The following EDA variants were observed in gnomAD, a reference collection of about 807,000 sequenced individuals.
The protein encoded by EDA is ectodysplasin A.
EDA carries 2 observed loss-of-function variants against 23.6 expected under a neutral mutation model. That is an observed-to-expected ratio of 0.08 (90% CI 0.03 to 0.27). EDA has a LOEUF of 0.27. Ranked by LOEUF, EDA falls within the 10% of genes least tolerant of loss-of-function variation. EDA has a pLI of 1.00. For synonymous variants in EDA, 131 were observed against 132.0 expected, an observed-to-expected ratio of 0.99 and a Z score of 0.05; for missense variants, 229 against 324.2, an observed-to-expected ratio of 0.71 and a Z score of 2.26.
chrX:69,663,098 A>G (rs1933564482), intron 1 of EDA, among the ~76,000 whole-genome samples: 1 of 112,515 alleles, frequency 8.9e-6, no homozygotes, highest in Admixed American at 9.4e-5. Flanking sequence ...GACAGAAAAT[A>G]AAAACCCATT....
intron 1 of EDA, among the ~76,000 whole-genome samples, chrX:69,788,809 G>T (rs2015294854): frequency 8.8e-6 from 1 of 113,345 alleles, no homozygotes; most frequent in Non-Finnish European, 1.9e-5. Flanking sequence ...TTGAGCTGTG[G>T]TGGGCTCCAC....
In EDA at chrX:70,036,439, C is replaced by T. The variant is rs536278098; in HGVS notation, c.*830C>T. The T allele has an allele frequency of 1.8e-5, 2 of 112,783 alleles. No homozygotes were observed. The highest frequency in any genetic ancestry group is 9.3e-5 in the Admixed American group (1 of 10,732). 9.3% of individuals were successfully genotyped at this position (112,783 alleles called of 1,213,427 possible). On this transcript the variant is annotated 3_prime_UTR_variant, in exon 8 of 8. Coordinates refer to ENST00000374552, the MANE Select transcript of EDA (RefSeq NM_001399.5). The stretch of plus-strand genomic sequence containing the variant: ...CCAGCCTGACTAGAACTCCTGTCTT[C>T]TTTCTCCATGGAGCCTACCTCTGTC...
intron 1 of EDA, among the ~76,000 whole-genome samples, chrX:69,881,532 C>T (rs1004962827): frequency 1.3e-4 from 14 of 111,664 alleles, no homozygotes; most frequent in African/African-American, 4.6e-4. Flanking sequence ...AGCCCAGTTG[C>T]CATAGTTGCT....
In EDA at chrX:69,736,774, C is replaced by CTTT. The variant is rs3047817; in HGVS notation, c.396+120083_396+120085dup. Among the ~76,000 whole-genome samples, 385 of 89,380 alleles carry CTTT rather than the reference C, an allele frequency of 4.3e-3. 8 individuals are homozygous for CTTT. Among genetic ancestry groups the CTTT allele is most frequent in the South Asian group, 9.5e-3 (16 of 1,680 alleles). The allele number at this position is 89,380 out of a possible 115,157, so 77.6% of individuals were successfully genotyped here. ...ATAGGTTGTAGTGAGCTTACTCCAACTTTTTTTTTTTTTTTGAGACAGTGT... is the reference window on the plus strand; with the variant it reads ...ATAGGTTGTAGTGAGCTTACTCCAACTTTTTTTTTTTTTTTTTTGAGACAGTGT... On this transcript the variant is annotated intron_variant, in intron 1 of 7. Coordinates refer to ENST00000374552, the MANE Select transcript of EDA (RefSeq NM_001399.5).
At chrX:70,035,296 G>T in intron 7 of EDA, 62 bp from the exon 8 acceptor site, 2 of 1,154,275 alleles carry the variant, frequency 1.7e-6, no homozygotes, top group Non-Finnish European at 2.3e-6. Context: ...TTCACCACAG[G>T]GAGGGCCCCC....
intron 1 of EDA, among the ~76,000 whole-genome samples, chrX:69,863,788 T>C (rs1455318613): frequency 9.3e-6 from 1 of 107,784 alleles, no homozygotes; most frequent in African/African-American, 3.4e-5. Context: ...AGAGAGGGAA[T>C]AGTTGTGTAC....
chrX:70,035,132 T>C (rs1793987126), intron 7 of EDA, among the ~76,000 whole-genome samples: 1 of 111,665 alleles, frequency 9.0e-6, no homozygotes, highest in Admixed American at 9.4e-5. Context: ...TGTGCTGTTG[T>C]AAGAAAAGTT....
chrX:69,888,580 T>C lies in EDA; in HGVS notation c.397-68447T>C, dbSNP rs2017864587. On this transcript the variant is annotated intron_variant, in intron 1 of 7. Coordinates refer to ENST00000374552, the MANE Select transcript of EDA (RefSeq NM_001399.5). ...CTCATTTAAACTTTGAGGAGACATATATTGAAAGTGAATAGATGAAAAAAT... is the reference window on the plus strand; with the variant it reads ...CTCATTTAAACTTTGAGGAGACATACATTGAAAGTGAATAGATGAAAAAAT... 2.8e-5 allele frequency among the ~76,000 whole-genome samples: 3 copies of C among 107,288 alleles called. No homozygotes were observed. In the South Asian group the frequency reaches 1.2e-3, roughly 43 times the overall value. 93.2% of individuals were successfully genotyped at this position (107,288 alleles called of 115,157 possible).
intron 1 of EDA, among the ~76,000 whole-genome samples, chrX:69,627,452 G>A (rs979275897): frequency 1.8e-5 from 2 of 111,260 alleles, no homozygotes; most frequent in Admixed American, 1.9e-4. Context: ...AACCAGGGAT[G>A]CATATTAGTC....
At chrX:69,956,768 G>A (rs1356455950) in intron 1 of EDA, among the ~76,000 whole-genome samples, 1 of 112,035 alleles carries the variant, frequency 8.9e-6, no homozygotes, top group Admixed American at 9.5e-5. Flanking sequence ...TGAAGAAATG[G>A]GACCTGATGG....
At chrX:69,723,863 C>T (rs1378915697) in intron 1 of EDA, among the ~76,000 whole-genome samples, 1 of 111,044 alleles carries the variant, frequency 9.0e-6, no homozygotes, top group Admixed American at 9.6e-5. Flanking sequence ...TTATTTTTAG[C>T]ACTCCACCCC....
At chrX:69,679,818 C>T (rs1319721277) in intron 1 of EDA, among the ~76,000 whole-genome samples, 1 of 109,729 alleles carries the variant, frequency 9.1e-6, no homozygotes, top group Non-Finnish European at 1.9e-5. Flanking sequence ...GTCTCTATTT[C>T]CTTCAGTTCT....
chrX:70,034,583 G>A (rs2020239612), intron 7 of EDA, among the ~76,000 whole-genome samples: 1 of 111,605 alleles, frequency 9.0e-6, no homozygotes, highest in African/African-American at 3.3e-5. Context: ...GGTAGTGAAG[G>A]ATGGAAAAAT....
intron 2 of EDA, among the ~76,000 whole-genome samples, chrX:69,961,016 C>A (rs77906095): frequency 1.3e-5 from 1 of 79,527 alleles, no homozygotes; most frequent in Non-Finnish European, 2.6e-5. Flanking sequence ...GAAACTCCAT[C>A]CAAAAAAAGA....
intron 1 of EDA, among the ~76,000 whole-genome samples, chrX:69,870,722 C>A (rs2017553482): frequency 9.0e-6 from 1 of 111,550 alleles, no homozygotes; most frequent in South Asian, 3.8e-4. Context: ...TGCAGGGTCC[C>A]ATTTTTTTTC....
At chrX:69,783,187 G>A (rs1166120331) in intron 1 of EDA, among the ~76,000 whole-genome samples, 1 of 111,809 alleles carries the variant, frequency 8.9e-6, no homozygotes, top group Non-Finnish European at 1.9e-5. Context: ...CAGTGAAATA[G>A]TTCTCGCTGG....
chrX:69,978,517 AAAAG>A (rs1169796700), intron 2 of EDA, among the ~76,000 whole-genome samples: 6 of 103,280 alleles, frequency 5.8e-5, no homozygotes, highest in Non-Finnish European at 9.7e-5. Flanking sequence ...AAAAAAAAAA[AAAAG>A]AAAGAAAGAA....
chrX:69,661,064 G>T (rs368486516), intron 1 of EDA, among the ~76,000 whole-genome samples: 2 of 110,340 alleles, frequency 1.8e-5, no homozygotes, highest in African/African-American at 3.3e-5. Flanking sequence ...GGTATCTCAT[G>T]GTGGTTTTGA....
At chrX:69,620,357 G>A (rs1932132857) in intron 1 of EDA, 1 of 111,961 alleles carries the variant, frequency 8.9e-6, no homozygotes, top group Non-Finnish European at 1.9e-5. Flanking sequence ...CTAATTATTT[G>A]AAGTGATGTC....
Sources: gnomAD v4.1 joint callset for allele counts (sites outside exome capture counted in the v4.1 genomes callset) on GRCh38, gnomAD v4.1.1 for gene constraint, MANE v1.5 for transcripts, NCBI Gene and HGNC (gene_info 2026-07-23, HGNC 2026-07-21) for gene names.